PCDHGB6: variants seen among roughly 807,000 people sequenced by gnomAD.
PCDHGB6 encodes protocadherin gamma-B6.
PCDHGB6 carries 51 observed loss-of-function variants against 59.1 expected under a neutral mutation model. That is an observed-to-expected ratio of 0.86 (90% CI 0.69 to 1.09). The LOEUF is 1.09. PCDHGB6 is among the 50% of genes least tolerant of loss of function. The pLI is 0.00. For missense variants in PCDHGB6, 1,148 were observed against 1,205.1 expected, an observed-to-expected ratio of 0.95 and a Z score of 0.70; for synonymous variants, 466 against 495.1, an observed-to-expected ratio of 0.94 and a Z score of 0.78.
At chr5:141,430,874 C>A in intron 1 of PCDHGB6, 2 of 1,598,990 alleles carry the variant, frequency 1.3e-6, no homozygotes, top group East Asian at 4.5e-5. Context: ...TCCGGAAGAG[C>A]TGGAGAAAGG....
At chr5:141,414,706 A>G in intron 1 of PCDHGB6, 1 of 1,614,002 alleles carries the variant, frequency 6.2e-7, no homozygotes, top group South Asian at 1.1e-5. Context: ...ATACATATCC[A>G]TCAACTCAGA....
In PCDHGB6 at chr5:141,491,679, T is replaced by G. The variant is rs111288145; in HGVS notation, c.2419-3128T>G. 1 of 1,613,496 alleles carries G rather than the reference T, an allele frequency of 6.2e-7. No individual in the cohort carries two copies. Among genetic ancestry groups the G allele is most frequent in the Non-Finnish European group, 8.5e-7 (1 of 1,179,828 alleles). On this transcript the variant is annotated intron_variant, in intron 1 of 3. Coordinates refer to ENST00000520790, the MANE Select transcript of PCDHGB6 (RefSeq NM_018926.3). The surrounding 1 kb of genome is among the most constrained non-coding windows in gnomAD (Gnocchi z 6.9). ...CTGACGCCATCCGGTCCCGCTCTAA[T>G]ACGCTGCGGGAGCGGAGCCAGGTGA...
intron 1 of PCDHGB6, chr5:141,411,225 GC>G (rs1253575140): frequency 1.3e-5 from 2 of 152,092 alleles, no homozygotes; most frequent in African/African-American, 4.8e-5. Flanking sequence ...ATTCAAATTT[GC>G]GAAGACTTAG....
Position 141,461,919 on chromosome 5 carries a change from G to T in PCDHGB6, c.2419-32888G>T, listed in dbSNP as rs10060711. On this transcript the variant is annotated intron_variant, in intron 1 of 3. Transcript: ENST00000520790. Reference sequence around the variant, plus strand: ...GCTCACTGCAACCTCTGCCTCCTGGGTTCCAGCAATTCTCCTGCCTCAACC... The same window carrying T: ...GCTCACTGCAACCTCTGCCTCCTGGTTTCCAGCAATTCTCCTGCCTCAACC... 5.4e-3 allele frequency among the ~76,000 whole-genome samples: 815 copies of T among 152,214 alleles called. 11 individuals are homozygous for T. Among genetic ancestry groups the T allele is most frequent in the African/African-American group, 0.019 (780 of 41,542 alleles).
chr5:141,420,458 C>A, intron 1 of PCDHGB6: 3 of 925,194 alleles, frequency 3.2e-6, no homozygotes, highest in Non-Finnish European at 2.9e-6. Context: ...TCCTACTATT[C>A]AAAGACATTT....
Position 141,476,873 on chromosome 5 carries a change from G to A in PCDHGB6, c.2419-17934G>A. 1.9e-6 allele frequency: 3 copies of A among 1,613,936 alleles called. No homozygotes were observed. Among genetic ancestry groups the A allele is most frequent in the Non-Finnish European group, 2.5e-6 (3 of 1,180,038 alleles). Reference sequence around the variant, plus strand: ...CAACCAGTCCTTGTACCGGGCGCGCGTCCTGGAGGATGCACCCTCCGGCAC... The same window carrying A: ...CAACCAGTCCTTGTACCGGGCGCGCATCCTGGAGGATGCACCCTCCGGCAC... On this transcript the variant is annotated intron_variant, in intron 1 of 3. Transcript: ENST00000520790. The surrounding 1 kb of genome is among the most constrained non-coding windows in gnomAD (Gnocchi z 7.6).
chr5:141,482,752 T>C (rs1361016909), intron 1 of PCDHGB6, among the ~76,000 whole-genome samples: 1 of 127,096 alleles, frequency 7.9e-6, no homozygotes, highest in Non-Finnish European at 1.6e-5. Context: ...AGAGGGATTA[T>C]GGTATTTCAT....
chr5:141,435,904 C>G (rs967350870), intron 1 of PCDHGB6, among the ~76,000 whole-genome samples: 2 of 152,068 alleles, frequency 1.3e-5, no homozygotes, highest in Admixed American at 6.5e-5. Context: ...TGAAAGACAT[C>G]CAAGGGCTCT....
intron 1 of PCDHGB6, chr5:141,478,544 C>G (rs1371505487): frequency 6.2e-7 from 1 of 1,605,660 alleles, no homozygotes; most frequent in Admixed American, 1.7e-5. Flanking sequence ...CCCTCCCGGA[C>G]AGGTAAGGTT....
At chr5:141,475,500 T>C (rs1393586791) in intron 1 of PCDHGB6, among the ~76,000 whole-genome samples, 1 of 152,248 alleles carries the variant, frequency 6.6e-6, no homozygotes, top group East Asian at 1.9e-4. Flanking sequence ...ACTGAAATTA[T>C]TAATGTCTCC....
At chr5:141,421,504 C>G (rs757410882) in intron 1 of PCDHGB6, 1 of 1,614,062 alleles carries the variant, frequency 6.2e-7, no homozygotes, top group South Asian at 1.1e-5. Flanking sequence ...CAGGATAGAC[C>G]GGGAGGAGCT....
chr5:141,430,110 C>T (rs919470038), intron 1 of PCDHGB6, among the ~76,000 whole-genome samples: 1 of 152,060 alleles, frequency 6.6e-6, no homozygotes, highest in Admixed American at 6.5e-5. Flanking sequence ...CGTTACATGT[C>T]AACAACCTGG....
chr5:141,511,062 C>T lies in PCDHGB6; in HGVS notation c.2682C>T (p.Tyr894=), dbSNP rs775583963. The change falls in exon 4 of 4, where the codon TAC becomes TAT. Residue 894 remains tyrosine, a synonymous_variant. Transcript: ENST00000520790. ...TGCCCGACTACCGCCAGAATGTCTACATCCCAGGCAGCAATGCCACACTGA... is the reference window on the plus strand; with the variant it reads ...TGCCCGACTACCGCCAGAATGTCTATATCCCAGGCAGCAATGCCACACTGA... ...QHVPDYRQNV[Y]IPGSNATLTN... The T allele has an allele frequency of 6.2e-7, 1 of 1,614,246 alleles. No homozygotes were observed. The highest frequency in any genetic ancestry group is 1.3e-5 in the African/African-American group (1 of 75,064).
intron 2 of PCDHGB6, among the ~76,000 whole-genome samples, chr5:141,498,394 A>G (rs1043900807): frequency 6.6e-6 from 1 of 152,096 alleles, no homozygotes; most frequent in Non-Finnish European, 1.5e-5. Flanking sequence ...AGGGAATGGC[A>G]GGGAGTTTTC....
At chr5:141,470,182 G>A (rs540599468) in intron 1 of PCDHGB6, among the ~76,000 whole-genome samples, 1 of 152,262 alleles carries the variant, frequency 6.6e-6, no homozygotes, top group Non-Finnish European at 1.5e-5. Context: ...AAATATTCAA[G>A]TAAACTTCAG....
At chr5:141,507,831 T>C (rs2099864030) in intron 3 of PCDHGB6, among the ~76,000 whole-genome samples, 1 of 152,134 alleles carries the variant, frequency 6.6e-6, no homozygotes, top group African/African-American at 2.4e-5. Context: ...GTGGAGGTGG[T>C]GGGTCAGGCC....
chr5:141,457,504 A>G (rs2098922754), intron 1 of PCDHGB6, among the ~76,000 whole-genome samples: 1 of 152,222 alleles, frequency 6.6e-6, no homozygotes, highest in Non-Finnish European at 1.5e-5. Context: ...GTAGGCAAAA[A>G]GCTTAAAAAC....
In PCDHGB6 at chr5:141,409,464, C is replaced by G. The variant is rs1185218827; in HGVS notation, c.1262C>G (p.Thr421Ser). The change falls in exon 1 of 4, where the codon ACC becomes AGC. Residue 421 changes from threonine (T) to serine (S), a missense_variant. By Grantham distance (58) the Thr-to-Ser change is moderately conservative (BLOSUM62 1). Around this residue, in one of 5 missense-constraint regions of PCDHGB6, gnomAD observed 549 missense variants for 527.5 expected, o/e 1.04. Transcript: ENST00000520790. ...DREQTPEYNV[T>S]IVATDRGKPP... ...GAGCAGACACCAGAATACAATGTCA[C>G]CATCGTAGCCACTGACAGGGGCAAG... is the stretch of plus-strand genomic sequence containing the variant. 1.9e-6 allele frequency: 3 copies of G among 1,613,940 alleles called. No homozygotes were observed. Among genetic ancestry groups the G allele is most frequent in the Non-Finnish European group, 1.7e-6 (2 of 1,179,882 alleles).
chr5:141,423,230 G>A (rs1223173152), intron 1 of PCDHGB6: 1 of 1,613,872 alleles, frequency 6.2e-7, no homozygotes, highest in East Asian at 2.2e-5. Flanking sequence ...GTGGCCGACA[G>A]CATCCCCGAA....
Sources: gnomAD v4.1 joint callset for allele counts (sites outside exome capture counted in the v4.1 genomes callset) on GRCh38, gnomAD v4.1.1 for gene constraint, gnomAD v4.1.1 regional missense constraint, Gnocchi (gnomAD v3.1) non-coding constraint, MANE v1.5 for transcripts, NCBI Gene and HGNC (gene_info 2026-07-23, HGNC 2026-07-21) for gene names.